The following DLG2 variants were observed in gnomAD, a reference collection of about 807,000 sequenced individuals.
DLG2 encodes the protein disks large homolog 2.
A neutral mutation model predicts 132.5 loss-of-function variants in DLG2; 45 were observed. That is an observed-to-expected ratio of 0.34 (90% confidence interval 0.27 to 0.44). DLG2 has a LOEUF of 0.44. DLG2 is among the 20% of genes least tolerant of loss of function. The pLI is 1.00. For missense variants in DLG2, 1,045 were observed against 1,196.9 expected, an observed-to-expected ratio of 0.87 and a Z score of 1.87; for synonymous variants, 424 against 419.6, an observed-to-expected ratio of 1.01 and a Z score of -0.13.
intron 3 of DLG2, among the ~76,000 whole-genome samples, chr11:85,577,482 G>C (rs908675143): frequency 3.3e-5 from 5 of 152,112 alleles, no homozygotes; most frequent in African/African-American, 1.2e-4. Context: ...AAGACTAGGA[G>C]AAAAGCAAGT....
At chr11:84,332,273 G>A (rs1170114244) in intron 7 of DLG2, among the ~76,000 whole-genome samples, 33 of 148,050 alleles carry the variant, frequency 2.2e-4, no homozygotes, top group Non-Finnish European at 3.6e-4. Flanking sequence ...ATGCAGTGGC[G>A]CGATCTTGGC....
intron 6 of DLG2, among the ~76,000 whole-genome samples, chr11:84,608,960 AG>A (rs1278970814): frequency 2.6e-5 from 4 of 152,342 alleles, no homozygotes; most frequent in African/African-American, 9.6e-5. Flanking sequence ...TAAGTGGCAC[AG>A]GGCCATAGAT....
chr11:83,739,317 T>C (rs905081590), intron 18 of DLG2, among the ~76,000 whole-genome samples: 8 of 152,208 alleles, frequency 5.3e-5, no homozygotes, highest in African/African-American at 1.9e-4. Flanking sequence ...TAATAAATTA[T>C]GCATTTTTAT....
At chr11:85,400,125 A>G (rs1480042982) in intron 3 of DLG2, among the ~76,000 whole-genome samples, 1 of 152,222 alleles carries the variant, frequency 6.6e-6, no homozygotes, top group East Asian at 1.9e-4. Flanking sequence ...GGCAAACGAT[A>G]GGAACAGACA....
intron 15 of DLG2, among the ~76,000 whole-genome samples, chr11:83,925,531 G>A (rs897980793): frequency 2.0e-5 from 3 of 152,062 alleles, no homozygotes; most frequent in African/African-American, 7.2e-5. Context: ...TTTAAGGGGA[G>A]AGACCATGTT....
chr11:85,338,983 C>T lies in DLG2; in HGVS notation c.41-53618G>A, dbSNP rs149554869. On this transcript the variant is annotated intron_variant, in intron 3 of 27. Transcript: ENST00000376104. The stretch of plus-strand genomic sequence containing the variant: ...CTGGGATTACAGGGGTGAGCCACCA[C>T]GCCCGGCCATGTGTAATTAATTTAT... 4.7e-3 allele frequency among the ~76,000 whole-genome samples: 716 copies of T among 152,270 alleles called. 3 individuals carry two copies. The highest frequency in any genetic ancestry group is 8.0e-3 in the Non-Finnish European group (547 of 68,020).
At chr11:85,388,299 C>T (rs2152941303) in intron 3 of DLG2, among the ~76,000 whole-genome samples, 1 of 152,212 alleles carries the variant, frequency 6.6e-6, no homozygotes, top group Non-Finnish European at 1.5e-5. Flanking sequence ...CAAAGCAAGC[C>T]CTGCTTAAGG....
At chr11:83,797,658 A>C (rs1441974163) in intron 17 of DLG2, among the ~76,000 whole-genome samples, 2 of 152,070 alleles carry the variant, frequency 1.3e-5, no homozygotes, top group Non-Finnish European at 2.9e-5. Context: ...AGCTGGGACT[A>C]CAGGCACTCG....
chr11:84,165,044 C>T (rs2095630747), intron 8 of DLG2, among the ~76,000 whole-genome samples: 1 of 152,158 alleles, frequency 6.6e-6, no homozygotes, highest in East Asian at 1.9e-4. Context: ...TTGTATGTTT[C>T]CATATGAATG....
At chr11:83,964,951 C>T (rs1258450529) in intron 13 of DLG2, among the ~76,000 whole-genome samples, 4 of 151,980 alleles carry the variant, frequency 2.6e-5, no homozygotes, top group Admixed American at 1.3e-4. Flanking sequence ...ATTTGCCAGT[C>T]TCTTTTCTAA....
intron 15 of DLG2, among the ~76,000 whole-genome samples, chr11:83,879,840 G>A (rs2065715800): frequency 1.3e-5 from 2 of 152,166 alleles, no homozygotes; most frequent in Admixed American, 1.3e-4. Context: ...AGAGAATGAT[G>A]AAAGCAAATA....
intron 21 of DLG2, among the ~76,000 whole-genome samples, chr11:83,517,721 G>T (rs369125552): frequency 2.0e-5 from 3 of 152,180 alleles, no homozygotes; most frequent in East Asian, 3.8e-4. Flanking sequence ...CTTTCTGTTT[G>T]TTAGTTTTCC....
intron 11 of DLG2, among the ~76,000 whole-genome samples, chr11:84,032,374 G>A (rs1474388580): frequency 6.6e-6 from 1 of 152,156 alleles, no homozygotes; most frequent in Non-Finnish European, 1.5e-5. Context: ...AAGTTTTAGT[G>A]GTCGAGATAA....
chr11:84,720,168 C>CA (rs1458357415), intron 6 of DLG2: 1 of 766,112 alleles, frequency 1.3e-6, no homozygotes, highest in Non-Finnish European at 1.6e-6. Context: ...AGCTGGCTCC[C>CA]AGAAAGAGCA....
intron 2 of DLG2, among the ~76,000 whole-genome samples, chr11:85,611,102 G>A (rs946001335): frequency 3.9e-5 from 6 of 152,170 alleles, no homozygotes; most frequent in African/African-American, 1.4e-4. Flanking sequence ...GATAGCTCTT[G>A]GAGTCCTTAC....
chr11:84,046,090 T>C (rs1327094723), intron 11 of DLG2, among the ~76,000 whole-genome samples: 2 of 151,592 alleles, frequency 1.3e-5, no homozygotes, highest in Non-Finnish European at 3.0e-5. Context: ...CACGGTTTCC[T>C]AGAAAAAGCC....
chr11:85,113,031 T>C (rs544217523), intron 5 of DLG2, among the ~76,000 whole-genome samples: 1 of 152,182 alleles, frequency 6.6e-6, no homozygotes, highest in East Asian at 1.9e-4. Flanking sequence ...TTTTAAGGCA[T>C]CACTAAGCCC....
intron 19 of DLG2, among the ~76,000 whole-genome samples, chr11:83,625,036 A>G (rs1219768436): frequency 2.0e-5 from 3 of 152,212 alleles, no homozygotes; most frequent in Non-Finnish European, 4.4e-5. Flanking sequence ...GCAACATATC[A>G]TAGTCAATAT....
intron 6 of DLG2, among the ~76,000 whole-genome samples, chr11:84,588,321 T>C (rs1261891577): frequency 6.6e-6 from 1 of 152,184 alleles, no homozygotes. Flanking sequence ...CACATCATCT[T>C]CTTTTCAGCC....
Sources: gnomAD v4.1 joint callset for allele counts (sites outside exome capture counted in the v4.1 genomes callset) on GRCh38, gnomAD v4.1.1 for gene constraint, MANE v1.5 for transcripts, NCBI Gene and HGNC (gene_info 2026-07-23, HGNC 2026-07-21) for gene names.